Variants in MAGI1 observed in about 807,000 individuals in gnomAD.
MAGI1 encodes membrane-associated guanylate kinase, WW and PDZ domain-containing protein 1.
In MAGI1, 58 loss-of-function variants were observed where a neutral mutation model predicts 139.9. The observed-to-expected ratio is 0.41, with a 90% CI of 0.34 to 0.52. MAGI1 has a LOEUF of 0.52. MAGI1 is among the 20% of genes least tolerant of loss of function. MAGI1 has a pLI of 0.12. For synonymous variants in MAGI1, 812 were observed against 737.9 expected, an observed-to-expected ratio of 1.10 and a Z score of -1.63; for missense variants, 1,874 against 1,901.6, an observed-to-expected ratio of 0.99 and a Z score of 0.27.
At chr3:65,541,545 A>C (rs2079225579) in intron 2 of MAGI1, among the ~76,000 whole-genome samples, 1 of 152,246 alleles carries the variant, frequency 6.6e-6, no homozygotes, top group Admixed American at 6.5e-5. Flanking sequence ...AACCGAATCC[A>C]GCAGCACATC....
chr3:65,661,745 G>GTTTTTTTTTTTTTTTTTTTTTTTTTTTT (rs11369893), intron 1 of MAGI1, among the ~76,000 whole-genome samples: 1 of 93,920 alleles, frequency 1.1e-5, no homozygotes, highest in Non-Finnish European at 2.0e-5. Flanking sequence ...GTTTTTTTCT[G>GTTTTTTTTTTTTTTTTTTTTTTTTTTTT]TTTTTTTTTT....
At chr3:65,666,271 A>T (rs192603939) in intron 1 of MAGI1, among the ~76,000 whole-genome samples, 51 of 152,228 alleles carry the variant, frequency 3.4e-4, no homozygotes, top group African/African-American at 1.1e-3. Context: ...CACTGTACAA[A>T]GAGCATTAAA....
intron 2 of MAGI1, among the ~76,000 whole-genome samples, chr3:65,567,077 G>T (rs1332453539): frequency 6.7e-6 from 1 of 148,174 alleles, no homozygotes; most frequent in Non-Finnish European, 1.5e-5. Context: ...CTTTTAAGTG[G>T]CATTGCTTCT....
At chr3:65,784,999 C>T (rs1007684278) in intron 1 of MAGI1, among the ~76,000 whole-genome samples, 4 of 145,854 alleles carry the variant, frequency 2.7e-5, no homozygotes, top group Non-Finnish European at 6.0e-5. Flanking sequence ...TATAGGATTC[C>T]TTTTGGAGAG....
At chr3:65,474,485 A>G (rs1950743257) in intron 4 of MAGI1, among the ~76,000 whole-genome samples, 1 of 152,180 alleles carries the variant, frequency 6.6e-6, no homozygotes, top group Admixed American at 6.6e-5. Flanking sequence ...GGAAGTTAAT[A>G]TATGGATTGC....
intron 5 of MAGI1, among the ~76,000 whole-genome samples, chr3:65,464,538 C>T (rs1950045639): frequency 6.6e-6 from 1 of 150,946 alleles, no homozygotes; most frequent in Non-Finnish European, 1.5e-5. Flanking sequence ...TAGTTTGCTT[C>T]TAATTCATTG....
chr3:65,788,704 G>C (rs2039559194), intron 1 of MAGI1, among the ~76,000 whole-genome samples: 1 of 152,094 alleles, frequency 6.6e-6, no homozygotes, highest in Non-Finnish European at 1.5e-5. Context: ...GTCTCAGAAA[G>C]CATTAAATAA....
At chr3:65,968,210 C>T (rs1229255538) in intron 1 of MAGI1, among the ~76,000 whole-genome samples, 2 of 152,080 alleles carry the variant, frequency 1.3e-5, no homozygotes, top group Non-Finnish European at 2.9e-5. Flanking sequence ...TTGGCAATAT[C>T]GAACAAAAAC....
chr3:66,018,743 C>A (rs2067805665), intron 1 of MAGI1, among the ~76,000 whole-genome samples: 2 of 152,200 alleles, frequency 1.3e-5, no homozygotes, highest in African/African-American at 4.8e-5. Context: ...TGAGCTCTGA[C>A]TCTCACCTCA....
intron 1 of MAGI1, among the ~76,000 whole-genome samples, chr3:65,802,393 G>T (rs778475105): frequency 1.9e-4 from 29 of 152,046 alleles, no homozygotes; most frequent in Non-Finnish European, 3.8e-4. Flanking sequence ...CCTCCTTGGG[G>T]TTGTAATTTT....
chr3:65,866,056 T>G (rs1559957376), intron 1 of MAGI1, among the ~76,000 whole-genome samples: 1 of 152,182 alleles, frequency 6.6e-6, no homozygotes, highest in East Asian at 1.9e-4. Flanking sequence ...GATTCAATTT[T>G]TGTAATGTAA....
chr3:65,417,990 T>C (rs948549603), intron 12 of MAGI1, among the ~76,000 whole-genome samples: 1 of 152,252 alleles, frequency 6.6e-6, no homozygotes, highest in Non-Finnish European at 1.5e-5. Context: ...TCTGGAGATG[T>C]TTTTGACTGT....
At chr3:65,731,516 A>G (rs2034188772) in intron 1 of MAGI1, among the ~76,000 whole-genome samples, 1 of 151,216 alleles carries the variant, frequency 6.6e-6, no homozygotes, top group African/African-American at 2.4e-5. Context: ...TTAGCTGAGC[A>G]TGGTGGTGCA....
At position 65,986,534 on chromosome 3, in the gene MAGI1, C is replaced by G. The variant is rs1026227297; in HGVS notation, c.313+51462G>C. On this transcript the variant is annotated intron_variant, in intron 1 of 22. Transcript: ENST00000402939. ...GATGTTCCCCAGGTGCAAGTGCACA[C>G]AGCCTTGGTCCTTTCATTCTGGATG... is the stretch of plus-strand genomic sequence containing the variant. Among the ~76,000 whole-genome samples the G allele has an allele frequency of 4.6e-5, 7 of 152,300 alleles. No homozygotes were observed. The East Asian group carries it at 1.4e-3, about 29-fold the overall frequency.
At chr3:65,959,179 C>T (rs1418915674) in intron 1 of MAGI1, among the ~76,000 whole-genome samples, 4 of 152,308 alleles carry the variant, frequency 2.6e-5, no homozygotes, top group Admixed American at 2.6e-4. Context: ...CAGCCCCTTC[C>T]TTTGGTTAAA....
intron 1 of MAGI1, among the ~76,000 whole-genome samples, chr3:65,700,666 T>G (rs565467967): frequency 2.0e-5 from 3 of 152,290 alleles, no homozygotes; most frequent in Admixed American, 6.5e-5. Context: ...GTGATTTTTT[T>G]GGGTAGCAGT....
chr3:65,575,066 G>A (rs2081122425), intron 2 of MAGI1, among the ~76,000 whole-genome samples: 1 of 151,982 alleles, frequency 6.6e-6, no homozygotes, highest in Admixed American at 6.6e-5. Context: ...AATTTGTATT[G>A]CTTCATAGTT....
In MAGI1 at chr3:65,553,343, T is replaced by C. The variant is rs1469100121; in HGVS notation, c.431-59712A>G. 3.3e-5 allele frequency among the ~76,000 whole-genome samples: 5 copies of C among 152,316 alleles called. No individual in the cohort carries two copies. In the East Asian group the frequency reaches 9.7e-4, roughly 29 times the overall value. ...TGAGCCTTGTCCTACATTTTGGTCATGTTCATTTATTTTTTAAGTGTAAAC... is the reference window on the plus strand; with the variant it reads ...TGAGCCTTGTCCTACATTTTGGTCACGTTCATTTATTTTTTAAGTGTAAAC... On this transcript the variant is annotated intron_variant, in intron 2 of 22. Coordinates refer to ENST00000402939, the MANE Select transcript of MAGI1 (RefSeq NM_001033057.2).
chr3:65,827,883 AT>A (rs1394541141), intron 1 of MAGI1, among the ~76,000 whole-genome samples: 20 of 152,142 alleles, frequency 1.3e-4, no homozygotes, highest in African/African-American at 4.8e-4. Flanking sequence ...GCAGCAAAAA[AT>A]TTTTTAATGT....
Sources: gnomAD v4.1 joint callset for allele counts (sites outside exome capture counted in the v4.1 genomes callset) on GRCh38, gnomAD v4.1.1 for gene constraint, MANE v1.5 for transcripts, NCBI Gene and HGNC (gene_info 2026-07-23, HGNC 2026-07-21) for gene names.